The following PCDHGB3 variants were observed in gnomAD, a reference collection of about 807,000 sequenced individuals.
PCDHGB3 encodes the protein protocadherin gamma subfamily B, 3.
In PCDHGB3, 40 loss-of-function variants were observed where a neutral mutation model predicts 59.2. The ratio of observed to expected loss-of-function variants is 0.68; its 90% CI spans 0.52 to 0.88. The LOEUF (loss-of-function observed/expected upper bound fraction) is 0.88, where lower values mean the gene tolerates loss of function less well. Among genes scored for constraint, PCDHGB3 ranks in the 40% least tolerant of loss-of-function variants. PCDHGB3 has a pLI of 0.00. For missense variants in PCDHGB3, 1,309 were observed against 1,187.9 expected (o/e 1.10, Z -1.50); for synonymous variants, 581 against 503.6 (o/e 1.15, Z -2.06).
intron 1 of PCDHGB3, chr5:141,403,432 G>A: frequency 1.2e-6 from 2 of 1,614,018 alleles, no homozygotes; most frequent in Non-Finnish European, 1.7e-6. Flanking sequence ...CTATTGATCC[G>A]GATGTTGGCG....
chr5:141,400,538 A>C (rs994052728), intron 1 of PCDHGB3: 5 of 1,613,662 alleles, frequency 3.1e-6, no homozygotes, highest in Non-Finnish European at 4.2e-6. Context: ...AGTTTCATTT[A>C]TGTCTATTCT....
intron 1 of PCDHGB3, chr5:141,418,454 ACTCTG>A (rs2096260396): frequency 3.1e-6 from 5 of 1,613,892 alleles, no homozygotes; most frequent in Non-Finnish European, 4.2e-6. Context: ...ATTGCAGAAG[ACTCTG>A]GACCGAGAAA....
intron 1 of PCDHGB3, chr5:141,388,133 G>C: frequency 6.9e-7 from 1 of 1,450,894 alleles, no homozygotes. Flanking sequence ...AGAGCGGGGA[G>C]TTGCTTGTGA....
In PCDHGB3 at chr5:141,380,448, A is replaced by G. The variant is rs145941690; in HGVS notation, c.2415+7639A>G. Among the ~76,000 whole-genome samples, 6 of 152,354 alleles carry G rather than the reference A, an allele frequency of 3.9e-5. No homozygotes were observed. The East Asian group carries it at 1.2e-3, about 29-fold the overall frequency. ...TAGACTTTACATAGAATTCTTTTTA[A>G]TGCAACCAAACAAATGGTCAGGATT... On this transcript the variant is annotated intron_variant, in intron 1 of 3. Coordinates refer to ENST00000576222, the MANE Select transcript of PCDHGB3 (RefSeq NM_018924.5).
chr5:141,372,459 C>CT lies in PCDHGB3; in HGVS notation c.2065_2066insT (p.Gln689LeufsTer36). ...TCCCTCTGACCCTCAGGCGGAGCTACAGTTTCACCTAGTAGTGGCGTTGGC... is the reference window on the plus strand; with the variant it reads ...TCCCTCTGACCCTCAGGCGGAGCTACTAGTTTCACCTAGTAGTGGCGTTGGC... On this transcript the variant is annotated frameshift_variant, in exon 1 of 4. Coordinates refer to ENST00000576222, the MANE Select transcript of PCDHGB3 (RefSeq NM_018924.5). LOFTEE classifies it high-confidence loss of function. 1 of 1,614,070 alleles carries CT rather than the reference C, an allele frequency of 6.2e-7. No homozygotes were observed. Among genetic ancestry groups the CT allele is most frequent in the South Asian group, 1.1e-5 (1 of 91,090 alleles).
chr5:141,431,673 G>A lies in PCDHGB3; in HGVS notation c.2415+58864G>A. On this transcript the variant is annotated intron_variant, in intron 1 of 3. Coordinates refer to ENST00000576222, the MANE Select transcript of PCDHGB3 (RefSeq NM_018924.5). The surrounding 1 kb of genome is among the most constrained non-coding windows in gnomAD (Gnocchi z 4.8). ...AATTCAGGGACAATATCAACAATAG[G>A]GGAGTTGGACCACGAGGAGTCAGGA... 1 of 1,614,214 alleles carries A rather than the reference G, an allele frequency of 6.2e-7. No homozygotes were observed. The highest frequency in any genetic ancestry group is 8.5e-7 in the Non-Finnish European group (1 of 1,180,044).
intron 1 of PCDHGB3, among the ~76,000 whole-genome samples, chr5:141,435,357 T>C (rs749223776): frequency 6.6e-6 from 1 of 152,208 alleles, no homozygotes; most frequent in Non-Finnish European, 1.5e-5. Flanking sequence ...CATTTAAAAT[T>C]TTATCACTTA....
chr5:141,405,165 C>T (rs745998723), intron 1 of PCDHGB3: 1 of 1,614,096 alleles, frequency 6.2e-7, no homozygotes, highest in Admixed American at 1.7e-5. Flanking sequence ...GTGCCCACCT[C>T]ACACTTTGTG....
chr5:141,389,171 C>G (rs772221999), intron 1 of PCDHGB3: 11 of 1,613,892 alleles, frequency 6.8e-6, no homozygotes, highest in Admixed American at 3.3e-5. Context: ...GCAAGCCTCC[C>G]CTCTCCTCCA....
At chr5:141,483,761 GA>G (rs1376816525) in intron 1 of PCDHGB3, among the ~76,000 whole-genome samples, 1 of 152,118 alleles carries the variant, frequency 6.6e-6, no homozygotes, top group African/African-American at 2.4e-5. Flanking sequence ...TCGAGGCTTG[GA>G]AAAATATTGG....
intron 1 of PCDHGB3, chr5:141,422,833 C>G (rs2096676817): frequency 6.2e-7 from 1 of 1,614,106 alleles, no homozygotes; most frequent in African/African-American, 1.3e-5. Flanking sequence ...AGTGATAGCA[C>G]GTGACAGCGG....
chr5:141,506,115 T>C (rs1211973354), intron 3 of PCDHGB3, among the ~76,000 whole-genome samples: 1 of 152,062 alleles, frequency 6.6e-6, no homozygotes, highest in Admixed American at 6.5e-5. Context: ...GAAGAGTCAC[T>C]AGGGCCCAGA....
chr5:141,414,311 ACT>A (rs1421551588), intron 1 of PCDHGB3: 5 of 1,613,710 alleles, frequency 3.1e-6, no homozygotes, highest in Non-Finnish European at 4.2e-6. Flanking sequence ...CATGATTTAG[ACT>A]CTGAGCAGAA....
intron 1 of PCDHGB3, chr5:141,393,518 A>C: frequency 6.2e-7 from 1 of 1,614,030 alleles, no homozygotes; most frequent in Non-Finnish European, 8.5e-7. Context: ...TGTTGGATAC[A>C]AATGACAATG....
intron 1 of PCDHGB3, among the ~76,000 whole-genome samples, chr5:141,424,908 C>G (rs910592644): frequency 1.3e-5 from 2 of 152,184 alleles, no homozygotes; most frequent in Non-Finnish European, 2.9e-5. Context: ...TCACAGGAAT[C>G]ATTTCCATAA....
chr5:141,413,418 G>C (rs748857146), intron 1 of PCDHGB3: 1 of 1,614,084 alleles, frequency 6.2e-7, no homozygotes, highest in Admixed American at 1.7e-5. Context: ...TTTTCTCTCT[G>C]AACCCGCGCA....
chr5:141,476,979 G>A lies in PCDHGB3; in HGVS notation c.2416-17828G>A, dbSNP rs772801536. On this transcript the variant is annotated intron_variant, in intron 1 of 3. Coordinates refer to ENST00000576222, the MANE Select transcript of PCDHGB3 (RefSeq NM_018924.5). The surrounding 1 kb of genome is among the most constrained non-coding windows in gnomAD (Gnocchi z 7.6). ...ATTTACTCCTTCGGCAGCCACAACC[G>A]CGCCGGCGTGCGGCAACTATTCGCC... The A allele has an allele frequency of 1.9e-6, 3 of 1,614,238 alleles. No homozygotes were observed. The South Asian group carries it at 3.3e-5, about 18-fold the overall frequency.
chr5:141,404,167 G>C, intron 1 of PCDHGB3: 1 of 1,612,946 alleles, frequency 6.2e-7, no homozygotes, highest in South Asian at 1.1e-5. Context: ...ACAGATTGTT[G>C]ACGGCCCAAA....
chr5:141,408,287 C>G (rs2095075582), intron 1 of PCDHGB3: 1 of 1,613,354 alleles, frequency 6.2e-7, no homozygotes, highest in African/African-American at 1.3e-5. Flanking sequence ...CTACCCCACC[C>G]TGAGTGAGCC....
Sources: gnomAD v4.1 joint callset for allele counts (sites outside exome capture counted in the v4.1 genomes callset) on GRCh38, gnomAD v4.1.1 for gene constraint, Gnocchi (gnomAD v3.1) non-coding constraint, MANE v1.5 for transcripts, NCBI Gene and HGNC (gene_info 2026-07-23, HGNC 2026-07-21) for gene names.